Variants in SOX6 observed in about 807,000 individuals in gnomAD.
SOX6 encodes transcription factor SOX-6.
SOX6 carries 11 observed loss-of-function variants against 97.8 expected under a neutral mutation model. That is an observed-to-expected ratio of 0.11 (90% confidence interval 0.07 to 0.19). The LOEUF is 0.19. Among genes scored for constraint, SOX6 ranks in the 10% least tolerant of loss-of-function variants. The pLI, the probability that SOX6 is intolerant of heterozygous loss-of-function variation, is 1.00. For missense variants in SOX6, 810 were observed against 1,039.5 expected (o/e 0.78, Z 3.04); for synonymous variants, 360 against 371.4 (o/e 0.97, Z 0.35).
intron 6 of SOX6, among the ~76,000 whole-genome samples, chr11:16,165,606 A>G (rs1055003530): frequency 6.6e-6 from 1 of 152,128 alleles, no homozygotes; most frequent in Non-Finnish European, 1.5e-5. Flanking sequence ...ATGCTAAATG[A>G]CGAATCCTAG....
At chr11:16,020,224 T>C (rs1855012048) in intron 12 of SOX6, among the ~76,000 whole-genome samples, 1 of 152,066 alleles carries the variant, frequency 6.6e-6, no homozygotes, top group African/African-American at 2.4e-5. Context: ...TTGCTGATTT[T>C]TCTTCCACAT....
At chr11:16,421,724 G>A (rs919427748) in intron 1 of SOX6, among the ~76,000 whole-genome samples, 4 of 152,182 alleles carry the variant, frequency 2.6e-5, no homozygotes, top group African/African-American at 9.7e-5. Context: ...TGAGTTTAAA[G>A]AAAGAATAGT....
chr11:16,000,741 CGTGT>C (rs1364378019), intron 13 of SOX6, among the ~76,000 whole-genome samples: 2 of 151,334 alleles, frequency 1.3e-5, no homozygotes, highest in Non-Finnish European at 2.9e-5. Context: ...CGCGCGTGCG[CGTGT>C]GTGTGTGTGA....
At chr11:16,034,927 C>T (rs114175584) in intron 12 of SOX6, among the ~76,000 whole-genome samples, 1 of 152,108 alleles carries the variant, frequency 6.6e-6, no homozygotes, top group South Asian at 2.1e-4. Context: ...GATAGACAGA[C>T]GCACAGCAGG....
At chr11:16,489,295 G>A (rs1860477791) in intron 4 of SOX6, among the ~76,000 whole-genome samples, 1 of 152,084 alleles carries the variant, frequency 6.6e-6, no homozygotes, top group South Asian at 2.1e-4. Flanking sequence ...GCAACATTCA[G>A]AGTATTTTCT....
chr11:15,985,176 GA>G (rs1489052562), intron 15 of SOX6, among the ~76,000 whole-genome samples: 1 of 152,158 alleles, frequency 6.6e-6, no homozygotes, highest in African/African-American at 2.4e-5. Flanking sequence ...CACATGCTCT[GA>G]AAACAACTTT....
intron 3 of SOX6, among the ~76,000 whole-genome samples, chr11:16,707,520 A>G (rs577203874): frequency 6.6e-5 from 10 of 152,254 alleles, no homozygotes; most frequent in African/African-American, 2.4e-4. Flanking sequence ...TGATTTATTG[A>G]GGTAAATATT....
intron 3 of SOX6, among the ~76,000 whole-genome samples, chr11:16,618,567 C>G (rs566232341): frequency 4.0e-5 from 6 of 151,548 alleles, no homozygotes; most frequent in African/African-American, 1.5e-4. Context: ...TCCAAAGAAG[C>G]ATTTAAATTC....
intron 1 of SOX6, among the ~76,000 whole-genome samples, chr11:16,367,034 A>G (rs1857377125): frequency 6.6e-6 from 1 of 152,218 alleles, no homozygotes; most frequent in Admixed American, 6.6e-5. Flanking sequence ...GATATTTGCT[A>G]GAATAACTAG....
chr11:16,190,193 T>C (rs1851590798), intron 4 of SOX6, among the ~76,000 whole-genome samples: 1 of 152,232 alleles, frequency 6.6e-6, no homozygotes, highest in African/African-American at 2.4e-5. Context: ...CAGTGGCATC[T>C]AAATTTTTTC....
chr11:16,307,885 G>A (rs960051760), intron 3 of SOX6, among the ~76,000 whole-genome samples: 2 of 151,976 alleles, frequency 1.3e-5, no homozygotes, highest in Non-Finnish European at 2.9e-5. Context: ...GAGCAATTAG[G>A]GGAATCCACA....
intron 3 of SOX6, among the ~76,000 whole-genome samples, chr11:16,291,779 G>C (rs1254990881): frequency 6.6e-6 from 1 of 152,080 alleles, no homozygotes; most frequent in African/African-American, 2.4e-5. Context: ...ATGGGATTTT[G>C]TGTATTTGTT....
At chr11:16,478,643 T>C (rs1213892826), upstream of SOX6, among the ~76,000 whole-genome samples, 3 of 152,222 alleles carry the variant, frequency 2.0e-5, no homozygotes, top group African/African-American at 7.2e-5. Flanking sequence ...AAAGAGTTCA[T>C]CATTATATAA....
intron 9 of SOX6, among the ~76,000 whole-genome samples, chr11:16,089,948 C>T (rs1330544335): frequency 6.6e-6 from 1 of 152,018 alleles, no homozygotes; most frequent in African/African-American, 2.4e-5. Flanking sequence ...TTCTAATGTA[C>T]CCTTAATCAC....
intron 3 of SOX6, among the ~76,000 whole-genome samples, chr11:16,307,504 C>T (rs1855477992): frequency 6.6e-6 from 1 of 152,118 alleles, no homozygotes; most frequent in South Asian, 2.1e-4. Context: ...GTGGCTTATG[C>T]TTTAATTCTT....
intron 1 of SOX6, among the ~76,000 whole-genome samples, chr11:16,467,953 C>T (rs1179720294): frequency 1.3e-5 from 2 of 152,174 alleles, no homozygotes; most frequent in Non-Finnish European, 2.9e-5. Flanking sequence ...TCTCTACATG[C>T]ACTTAGTTCC....
intron 6 of SOX6, among the ~76,000 whole-genome samples, chr11:16,120,261 G>C (rs79547733): frequency 0.084 from 11,609 of 137,588 alleles, 955 homozygotes; most frequent in East Asian, 0.37. Context: ...CTCTCTCTCT[G>C]TCTCTCATAA....
At chr11:16,093,103 A>G (rs187087688) in intron 9 of SOX6, among the ~76,000 whole-genome samples, 2 of 152,006 alleles carry the variant, frequency 1.3e-5, no homozygotes, top group Non-Finnish European at 2.9e-5. Context: ...TGTTTACTGT[A>G]GCAAGTGCTC....
chr11:16,488,682 A>G (rs910849352), intron 4 of SOX6, among the ~76,000 whole-genome samples: 5 of 152,306 alleles, frequency 3.3e-5, no homozygotes, highest in South Asian at 2.1e-4. Flanking sequence ...GTTGCACACT[A>G]CAGGTTAGTC....
Sources: allele counts gnomAD v4.1 joint callset (sites outside exome capture counted in the v4.1 genomes callset), GRCh38; gene constraint gnomAD v4.1.1; transcripts MANE v1.5; gene names NCBI Gene and HGNC (gene_info 2026-07-23, HGNC 2026-07-21).